The following PCYOX1 variants were observed in gnomAD, a reference collection of about 807,000 sequenced individuals.
The protein encoded by PCYOX1 is prenylcysteine lyase.
A neutral mutation model predicts 46.4 loss-of-function variants in PCYOX1; 46 were observed. The observed-to-expected ratio is 0.99, with a 90% CI of 0.78 to 1.27. The LOEUF (loss-of-function observed/expected upper bound fraction) is 1.27, where lower values mean the gene tolerates loss of function less well. PCYOX1 is among the 50% of genes most tolerant of loss of function. The probability of loss-of-function intolerance (pLI) is 0.00; values close to 1 mark genes in which losing one functional copy is unlikely to be tolerated. For missense variants in PCYOX1, 658 were observed against 628.3 expected (o/e 1.05, Z -0.51); for synonymous variants, 220 against 231.8 (o/e 0.95, Z 0.46).
Position 70,279,295 on chromosome 2 carries a change from AGT to A in PCYOX1, c.*1906_*1907del, listed in dbSNP as rs955372243. 1 of 152,112 alleles carries A rather than the reference AGT, an allele frequency of 6.6e-6. No individual in the cohort carries two copies. Among genetic ancestry groups the A allele is most frequent in the African/African-American group, 2.4e-5 (1 of 41,406 alleles). 9.4% of individuals were successfully genotyped at this position (152,112 alleles called of 1,614,324 possible). The stretch of plus-strand genomic sequence containing the variant: ...GATTAAACTCATGGTTTGTCAAAAG[AGT>A]GTTTTTTTCTAGTTTTATTCTTAAC... On this transcript the variant is annotated 3_prime_UTR_variant, in exon 6 of 6. Coordinates refer to ENST00000433351, the MANE Select transcript of PCYOX1 (RefSeq NM_016297.4).
intron 3 of PCYOX1, among the ~76,000 whole-genome samples, chr2:70,266,894 T>G (rs1559035196): frequency 6.6e-6 from 1 of 152,126 alleles, no homozygotes; most frequent in African/African-American, 2.4e-5. Flanking sequence ...CAATCCGATC[T>G]CTCCTTCCTT....
Position 70,277,573 on chromosome 2 carries a change from G to T in PCYOX1, c.*181G>T. 1.9e-6 allele frequency: 1 copy of T among 534,132 alleles called. No homozygotes were observed. Among genetic ancestry groups the T allele is most frequent in the Non-Finnish European group, 3.3e-6 (1 of 304,480 alleles). The allele number at this position is 534,132 out of a possible 1,614,324, so 33.1% of individuals were successfully genotyped here. ...AATTAAGTGTGAAGGTATAGCTATTGCACTTATGCCATCTCCAAAATTTCT... is the reference window on the plus strand; with the variant it reads ...AATTAAGTGTGAAGGTATAGCTATTTCACTTATGCCATCTCCAAAATTTCT... On this transcript the variant is annotated 3_prime_UTR_variant, in exon 6 of 6. Coordinates refer to ENST00000433351, the MANE Select transcript of PCYOX1 (RefSeq NM_016297.4).
rs188849288 is a variant in PCYOX1, at chr2:70,269,675, C to T, written c.495-5284C>T. On this transcript the variant is annotated intron_variant, in intron 3 of 5. Transcript: ENST00000433351. ...TTTTTTGGTCAGCCTCTTGTAGTCT[C>T]TATTGATGTCATAGCCTCCGGCATC... is the stretch of plus-strand genomic sequence containing the variant. Among the ~76,000 whole-genome samples, 258 of 152,158 alleles carry T rather than the reference C, an allele frequency of 1.7e-3. 2 individuals carry two copies. The highest frequency in any genetic ancestry group is 5.9e-3 in the African/African-American group (247 of 41,522).
intron 3 of PCYOX1, among the ~76,000 whole-genome samples, chr2:70,270,034 G>A (rs370418252): frequency 8.0e-5 from 12 of 150,850 alleles, no homozygotes; most frequent in East Asian, 2.0e-4. Flanking sequence ...CCCTCTTGTC[G>A]CCCAGGCTGG....
At chr2:70,274,095 T>G (rs1333259128) in intron 3 of PCYOX1, among the ~76,000 whole-genome samples, 1 of 152,026 alleles carries the variant, frequency 6.6e-6, no homozygotes, top group Non-Finnish European at 1.5e-5. Context: ...TGTGCTCCAG[T>G]GGAGACTGTG....
At position 70,275,821 on chromosome 2, in the gene PCYOX1, A is replaced by C. The variant is rs1696663480; in HGVS notation, c.859+155A>C. 3.3e-5 allele frequency among the ~76,000 whole-genome samples: 5 copies of C among 152,160 alleles called. No individual in the cohort carries two copies. In the South Asian group the frequency reaches 1.0e-3, roughly 32 times the overall value. On this transcript the variant is annotated intron_variant, in intron 5 of 5. Coordinates refer to ENST00000433351, the MANE Select transcript of PCYOX1 (RefSeq NM_016297.4). ...ATATAGAAATATTCCCCAATGGGCC[A>C]GGCACGGTGGCTCATGCCTGTAATC...
chr2:70,276,803 T>A lies in PCYOX1; in HGVS notation c.929T>A (p.Ile310Asn). ...GAGACTCGTTCAGACTTCTATGACA[T>A]CGTCTTGGTGGCCACTCCGTTGAAT... ...GTETRSDFYD[I>N]VLVATPLNRK... Residue 310 changes from isoleucine (I) to asparagine (N), a missense_variant, in exon 6 of 6, where the codon ATC (isoleucine) becomes AAC (asparagine). Transcript: ENST00000433351. The A allele has an allele frequency of 6.2e-7, 1 of 1,612,898 alleles. No homozygotes were observed. The highest frequency in any genetic ancestry group is 8.5e-7 in the Non-Finnish European group (1 of 1,178,964).
chr2:70,272,554 C>T (rs1173273541), intron 3 of PCYOX1, among the ~76,000 whole-genome samples: 1 of 152,130 alleles, frequency 6.6e-6, no homozygotes, highest in African/African-American at 2.4e-5. Flanking sequence ...TGGCTGTTCA[C>T]AGGTGCAACC....
chr2:70,261,874 A>G (rs996705888), intron 3 of PCYOX1, among the ~76,000 whole-genome samples: 1 of 152,230 alleles, frequency 6.6e-6, no homozygotes, highest in Non-Finnish European at 1.5e-5. Context: ...TGTAGAAAGG[A>G]TCAGAAAACT....
intron 3 of PCYOX1, 99 bp downstream of exon 3, chr2:70,261,485 A>G (rs1696435676): frequency 1.2e-5 from 10 of 811,100 alleles, no homozygotes; most frequent in Non-Finnish European, 1.8e-5. Context: ...AGCATTTTCT[A>G]CCTCACAGCA....
At position 70,277,214 on chromosome 2, in the gene PCYOX1, C is replaced by G. The variant is rs750436202; in HGVS notation, c.1340C>G (p.Ser447Cys). The G allele has an allele frequency of 6.2e-7, 1 of 1,614,124 alleles. No homozygotes were observed. Among genetic ancestry groups the G allele is most frequent in the Admixed American group, 1.7e-5 (1 of 60,030 alleles). Residue 447 changes from serine (S) to cysteine (C), a missense_variant, in exon 6 of 6, where the codon TCT becomes TGT. By Grantham distance (112) the Ser-to-Cys change is moderately radical. Transcript: ENST00000433351. ...TATAAGCCCCCGGAGAAATGCCCCT[C>G]TATCATTCTCCATGATCGACTTTAT... is the stretch of plus-strand genomic sequence containing the variant. ...PHYKPPEKCP[S>C]IILHDRLYYL...
chr2:70,279,347 GT>G lies in PCYOX1; in HGVS notation c.*1958del, dbSNP rs756382205. ...CAGATATGTTGAGGTATTCATATTT[GT>G]TTCCTTTTGTGGTTTTAATGAAGAC... On this transcript the variant is annotated 3_prime_UTR_variant, in exon 6 of 6. Coordinates refer to ENST00000433351, the MANE Select transcript of PCYOX1 (RefSeq NM_016297.4). 7.2e-5 allele frequency: 11 copies of G among 152,096 alleles called. No individual in the cohort carries two copies. The highest frequency in any genetic ancestry group is 1.3e-4 in the Non-Finnish European group (9 of 67,996). 9.4% of individuals were successfully genotyped at this position (152,096 alleles called of 1,614,324 possible). A position where few individuals can be genotyped will look rare whatever the true frequency, so the allele number is the denominator to read the frequency against.
rs765665974 is a variant in PCYOX1 at position 70,276,777 on chromosome 2, T to C, written c.903T>C (p.Thr301=). 6 of 1,608,568 alleles carry C rather than the reference T, an allele frequency of 3.7e-6. No homozygotes were observed. The South Asian group carries it at 6.6e-5, about 18-fold the overall frequency. Reference sequence around the variant, plus strand: ...ATGAAGTGGTCTACCAAATTGGAACTGAGACTCGTTCAGACTTCTATGACA... The same window carrying C: ...ATGAAGTGGTCTACCAAATTGGAACCGAGACTCGTTCAGACTTCTATGACA... ...KMYEVVYQIG[T]ETRSDFYDIV... The change falls in exon 6 of 6, where the codon ACT becomes ACC. Residue 301 remains threonine (T), a synonymous_variant. Coordinates refer to ENST00000433351, the MANE Select transcript of PCYOX1 (RefSeq NM_016297.4).
In PCYOX1 at chr2:70,269,020, C is replaced by T. The variant is rs543575914; in HGVS notation, c.495-5939C>T. Among the ~76,000 whole-genome samples the T allele has an allele frequency of 2.4e-4, 37 of 152,112 alleles. 1 individual carries two copies. Among genetic ancestry groups the T allele is most frequent in the Admixed American group, 2.2e-3 (34 of 15,270 alleles). The stretch of plus-strand genomic sequence containing the variant: ...TTATGGCAGTCTTGGTGAACTAATA[C>T]ACTGTTGTCATTTTCAGTAACTGTC... On this transcript the variant is annotated intron_variant, in intron 3 of 5. Coordinates refer to ENST00000433351, the MANE Select transcript of PCYOX1 (RefSeq NM_016297.4).
chr2:70,275,034 C>T lies in PCYOX1; in HGVS notation c.570C>T (p.Asp190=), dbSNP rs1446399110. Reference sequence around the variant, plus strand: ...TACTTCATGCTCTAGGAGGAGATGACTTCCTTGGAATGCTTAATCGAACAC... The same window carrying T: ...TACTTCATGCTCTAGGAGGAGATGATTTCCTTGGAATGCTTAATCGAACAC... The part of the protein sequence containing the change: ...EKLLHALGGD[D]FLGMLNRTLL... The change falls in exon 4 of 6, where the codon GAC becomes GAT. Residue 190 remains aspartate (D), a synonymous_variant. Transcript: ENST00000433351. 2 of 1,613,604 alleles carry T rather than the reference C, an allele frequency of 1.2e-6. No individual in the cohort carries two copies. The highest frequency in any genetic ancestry group is 1.7e-4 in the Middle Eastern group (1 of 6,060).
Position 70,261,137 on chromosome 2 carries a change from A to T in PCYOX1, c.320-75A>T, listed in dbSNP as rs539685045. ...CTCCTGAGAACTGAGGGAAGCCCCAAATTCACTCAGATTACGTTCTTTCAT... is the reference window on the plus strand; with the variant it reads ...CTCCTGAGAACTGAGGGAAGCCCCATATTCACTCAGATTACGTTCTTTCAT... On this transcript the variant is annotated intron_variant, in intron 2 of 5. Transcript: ENST00000433351. 1.4e-5 allele frequency: 13 copies of T among 938,744 alleles called. No homozygotes were observed. The Admixed American group carries it at 2.8e-4, about 20-fold the overall frequency. The allele number at this position is 938,744 out of a possible 1,614,324, so 58.2% of individuals were successfully genotyped here.
intron 2 of PCYOX1, 108 bp downstream of exon 2, chr2:70,259,674 C>T (rs1286177985): frequency 9.4e-5 from 78 of 833,102 alleles, no homozygotes; most frequent in Non-Finnish European, 1.5e-4. Flanking sequence ...CTTACAGAGA[C>T]GTTGGTAAAA....
rs191287494 is a variant in PCYOX1 at position 70,277,568 on chromosome 2, C to A, written c.*176C>A. On this transcript the variant is annotated 3_prime_UTR_variant, in exon 6 of 6. Coordinates refer to ENST00000433351, the MANE Select transcript of PCYOX1 (RefSeq NM_016297.4). ...GTTCTAATTAAGTGTGAAGGTATAGCTATTGCACTTATGCCATCTCCAAAA... is the reference window on the plus strand; with the variant it reads ...GTTCTAATTAAGTGTGAAGGTATAGATATTGCACTTATGCCATCTCCAAAA... 1.1e-3 allele frequency: 599 copies of A among 556,998 alleles called. 1 individual carries two copies. The highest frequency in any genetic ancestry group is 7.1e-3 in the African/African-American group (375 of 53,016). 34.5% of individuals were successfully genotyped at this position (556,998 alleles called of 1,614,324 possible). A position where few individuals can be genotyped will look rare whatever the true frequency, so the allele number is the denominator to read the frequency against.
chr2:70,269,992 T>C (rs914476556), intron 3 of PCYOX1, among the ~76,000 whole-genome samples: 1 of 152,100 alleles, frequency 6.6e-6, no homozygotes, highest in Non-Finnish European at 1.5e-5. Flanking sequence ...TCTCTCTCTT[T>C]TTCTCTTTCT....
Sources: allele counts gnomAD v4.1 joint callset (sites outside exome capture counted in the v4.1 genomes callset), GRCh38; gene constraint gnomAD v4.1.1; transcripts MANE v1.5; gene names NCBI Gene and HGNC (gene_info 2026-07-23, HGNC 2026-07-21).